The following SDCBP2 variants were observed in gnomAD, a reference collection of about 807,000 sequenced individuals.
SDCBP2 encodes syntenin-2.
Under a neutral mutation model 30.7 loss-of-function variants are expected in SDCBP2, and 28 were observed. The observed-to-expected ratio is 0.91, with a 90% CI of 0.68 to 1.25. The LOEUF (loss-of-function observed/expected upper bound fraction) is 1.25. Ranked by LOEUF, SDCBP2 falls within the 50% of genes most tolerant of loss-of-function variation. The probability of loss-of-function intolerance (pLI) is 0.00; values close to 1 mark genes in which losing one functional copy is unlikely to be tolerated. For synonymous variants in SDCBP2, 166 were observed against 157.3 expected (o/e 1.06, Z -0.41); for missense variants, 399 against 379.0 (o/e 1.05, Z -0.44).
At chr20:1,312,844 T>G (rs1032981720) in intron 5 of SDCBP2, 82 bp from the exon 6 acceptor site, 13 of 1,433,200 alleles carry the variant, frequency 9.1e-6, no homozygotes, top group African/African-American at 1.4e-5. Context: ...GTTTTCCTCC[T>G]GATACTCCAG....
chr20:1,325,284 G>T (rs539693617), intron 1 of SDCBP2: 11 of 152,340 alleles, frequency 7.2e-5, no homozygotes, highest in African/African-American at 2.6e-4. Context: ...GTTGCTACAG[G>T]TTACGGCGGT....
intron 4 of SDCBP2, among the ~76,000 whole-genome samples, chr20:1,314,365 T>C (rs2088736170): frequency 6.6e-6 from 1 of 150,568 alleles, no homozygotes; most frequent in South Asian, 2.1e-4. Context: ...CAAGCACCTG[T>C]AGTCCCTGCT....
chr20:1,322,400 C>T (rs1378650030), intron 1 of SDCBP2: 2 of 152,150 alleles, frequency 1.3e-5, no homozygotes, highest in African/African-American at 4.8e-5. Flanking sequence ...TGCTGTGAAG[C>T]CTCTAACCCC....
At position 1,313,371 on chromosome 20, in the gene SDCBP2, T is replaced by C; in HGVS notation, c.353A>G (p.Lys118Arg). 1 of 1,611,754 alleles carries C rather than the reference T, an allele frequency of 6.2e-7. No individual in the cohort carries two copies. The highest frequency in any genetic ancestry group is 8.5e-7 in the Non-Finnish European group (1 of 1,179,608). ...GACCTTCCGCAGCCTCAGCCCGGTC[T>C]TGCCGCGCTCGTCCTTGCACAGGTG... ...EIHLCKDERGKTGLRLRKVDQ... is the reference protein window; with the variant it reads ...EIHLCKDERGRTGLRLRKVDQ... Residue 118 changes from lysine (K) to arginine (R), a missense_variant, in exon 5 of 9, where the codon AAG becomes AGG. Physicochemically the swap from Lys to Arg is conservative, Grantham distance 26 (BLOSUM62 2). Transcript: ENST00000360779. This position sits in a 1 kb window ranked among gnomAD's most constrained non-coding sequence, Gnocchi z 5.2.
At chr20:1,312,858 C>T in intron 5 of SDCBP2, 96 bp from the exon 6 acceptor site, 2 of 1,340,508 alleles carry the variant, frequency 1.5e-6, no homozygotes, top group Non-Finnish European at 2.0e-6. Context: ...ACTCCAGGAA[C>T]CTACAGGGTG....
chr20:1,311,070 G>T (rs756589062), intron 7 of SDCBP2, 179 bp from the exon 8 acceptor site: 3 of 549,646 alleles, frequency 5.5e-6, no homozygotes, highest in Non-Finnish European at 9.8e-6. Context: ...AGACTCCCAG[G>T]TAAGGTCTTG....
rs767943587 is a variant in SDCBP2 at position 1,312,401 on chromosome 20, C to T, written c.668G>A (p.Arg223His). 8.1e-6 allele frequency: 13 copies of T among 1,613,516 alleles called. No homozygotes were observed. Among genetic ancestry groups the T allele is most frequent in the South Asian group, 1.1e-5 (1 of 90,966 alleles). The change falls in exon 7 of 9, where the codon CGC (arginine) becomes CAC (histidine). Residue 223 changes from arginine to histidine, a missense_variant. Physicochemically the swap from Arg to His is conservative, Grantham distance 29. Coordinates refer to ENST00000360779, the MANE Select transcript of SDCBP2 (RefSeq NM_080489.5). ...GTAGTGGTTGGTGAGGAGCCCGTTG[C>T]GGGCCGCAGAACTCCCTTTGACCAG... ...VSLVKGSSAA[R>H]NGLLTNHYVC... is the part of the protein sequence containing the mutation.
intron 7 of SDCBP2, 80 bp downstream of exon 7, chr20:1,312,257 A>C: frequency 1.4e-6 from 2 of 1,404,416 alleles, no homozygotes; most frequent in Non-Finnish European, 2.0e-6. Flanking sequence ...GCTGAGGCTC[A>C]GGTGGGGTAA....
Position 1,310,489 on chromosome 20 carries a change from A to C in SDCBP2, c.831T>G (p.Pro277=), listed in dbSNP as rs752554851. 6.2e-7 allele frequency: 1 copy of C among 1,613,722 alleles called. No homozygotes were observed. Among genetic ancestry groups the C allele is most frequent in the Non-Finnish European group, 8.5e-7 (1 of 1,179,958 alleles). ...VIYEHMVKKL[P]PVLLHHTMDH... Reference sequence around the variant, plus strand: ...CCATGGTGTGGTGGAGCAGGACTGGAGGCAACCTGGATACAGCAACAACAG... The same window carrying C: ...CCATGGTGTGGTGGAGCAGGACTGGCGGCAACCTGGATACAGCAACAACAG... The change falls in exon 9 of 9, where the codon CCT becomes CCG. Residue 277 remains proline (P), a synonymous_variant. Transcript: ENST00000360779.
chr20:1,320,493 A>C lies in SDCBP2; in HGVS notation c.-19-58T>G. Reference sequence around the variant, plus strand: ...ATGCAGCTGATGCCCCCTTGAAAGGAGGCACAGACATCCGCAACAGCAAGC... The same window carrying C: ...ATGCAGCTGATGCCCCCTTGAAAGGCGGCACAGACATCCGCAACAGCAAGC... On this transcript the variant is annotated intron_variant, in intron 1 of 8. Transcript: ENST00000360779. The surrounding 1 kb of genome is among the most constrained non-coding windows in gnomAD (Gnocchi z 4.7). 7.5e-7 allele frequency: 1 copy of C among 1,335,152 alleles called. No individual in the cohort carries two copies. The highest frequency in any genetic ancestry group is 1.1e-6 in the Non-Finnish European group (1 of 947,890). The allele number at this position is 1,335,152 out of a possible 1,614,324, so 82.7% of individuals were successfully genotyped here. A position where few individuals can be genotyped will look rare whatever the true frequency, so the allele number is the denominator to read the frequency against.
At chr20:1,318,491 T>A in intron 3 of SDCBP2, 73 bp from the exon 4 acceptor site, 2 of 870,938 alleles carry the variant, frequency 2.3e-6, no homozygotes, top group Non-Finnish European at 3.6e-6. Flanking sequence ...CTGGCTCCCC[T>A]GTGGCTGCTC....
intron 4 of SDCBP2, among the ~76,000 whole-genome samples, chr20:1,316,811 G>C (rs368957037): frequency 6.6e-6 from 1 of 151,956 alleles, no homozygotes; most frequent in Non-Finnish European, 1.5e-5. Context: ...GAATAACTTT[G>C]TTTGTAACCA....
intron 1 of SDCBP2, chr20:1,325,327 C>T (rs556332209): frequency 2.1e-4 from 32 of 152,386 alleles, no homozygotes; most frequent in African/African-American, 7.5e-4. Flanking sequence ...GCAGAAACAC[C>T]GCCAAGCGAC....
chr20:1,314,258 G>C (rs938796303), intron 4 of SDCBP2, among the ~76,000 whole-genome samples: 6 of 152,076 alleles, frequency 3.9e-5, no homozygotes, highest in African/African-American at 1.4e-4. Context: ...GGAGGCCGAG[G>C]AAGATGGATC....
intron 1 of SDCBP2, among the ~76,000 whole-genome samples, chr20:1,327,893 A>T (rs2088952527): frequency 6.6e-6 from 1 of 152,250 alleles, no homozygotes; most frequent in African/African-American, 2.4e-5. Flanking sequence ...GCAGTGAAGG[A>T]AAGAAGACTT....
At chr20:1,318,048 C>G (rs1187336576) in intron 4 of SDCBP2, 1 of 503,624 alleles carries the variant, frequency 2.0e-6, no homozygotes. Flanking sequence ...AATGACCTCC[C>G]TTCTCATCCA....
intron 2 of SDCBP2, 87 bp from the exon 3 acceptor site, chr20:1,319,746 C>A (rs2088827800): frequency 8.3e-7 from 1 of 1,199,918 alleles, no homozygotes; most frequent in Non-Finnish European, 1.1e-6. Context: ...AGGGTCTGGG[C>A]ATTAGGGGTG....
chr20:1,312,375 C>G lies in SDCBP2; in HGVS notation c.694G>C (p.Val232Leu). The part of the protein sequence containing the change: ...ARNGLLTNHY[V>L]CEVDGQNVIG... ...ACATTCTGCCCGTCCACCTCACACA[C>G]GTAGTGGTTGGTGAGGAGCCCGTTG... The change falls in exon 7 of 9, where the codon GTG becomes CTG. Residue 232 changes from valine (V) to leucine (L), a missense_variant. Physicochemically the swap from Val to Leu is conservative, Grantham distance 32 (BLOSUM62 1). Coordinates refer to ENST00000360779, the MANE Select transcript of SDCBP2 (RefSeq NM_080489.5). 6.2e-7 allele frequency: 1 copy of G among 1,613,506 alleles called. No homozygotes were observed. The highest frequency in any genetic ancestry group is 8.5e-7 in the Non-Finnish European group (1 of 1,179,756).
At position 1,321,847 on chromosome 20, in the gene SDCBP2, C is replaced by T. The variant is rs1343058364; in HGVS notation, c.-19-1412G>A. 2.0e-5 allele frequency: 3 copies of T among 152,226 alleles called. No homozygotes were observed. Among genetic ancestry groups the T allele is most frequent in the East Asian group, 1.9e-4 (1 of 5,200 alleles). The allele number at this position is 152,226 out of a possible 1,614,324, so 9.4% of individuals were successfully genotyped here. A position where few individuals can be genotyped will look rare whatever the true frequency, so the allele number is the denominator to read the frequency against. Reference sequence around the variant, plus strand: ...AGCTCAAGGTACTGGATTTAATAATCGAATTTCCCACTGCTCCCAAAAAAC... The same window carrying T: ...AGCTCAAGGTACTGGATTTAATAATTGAATTTCCCACTGCTCCCAAAAAAC... On this transcript the variant is annotated intron_variant, in intron 1 of 8. Transcript: ENST00000360779. This position sits in a 1 kb window ranked among gnomAD's most constrained non-coding sequence, Gnocchi z 5.2.
Sources: gnomAD v4.1 joint callset for allele counts (sites outside exome capture counted in the v4.1 genomes callset) on GRCh38, gnomAD v4.1.1 for gene constraint, Gnocchi (gnomAD v3.1) non-coding constraint, MANE v1.5 for transcripts, NCBI Gene and HGNC (gene_info 2026-07-23, HGNC 2026-07-21) for gene names.